ESR2: variants seen among roughly 807,000 people sequenced by gnomAD.
ESR2 encodes the protein estrogen receptor beta.
Under a neutral mutation model 49.6 loss-of-function variants are expected in ESR2, and 36 were observed. The observed-to-expected ratio is 0.73, with a 90% CI of 0.56 to 0.96. ESR2 has a LOEUF of 0.96. Ranked by LOEUF, ESR2 falls within the 40% of genes least tolerant of loss-of-function variation. The probability of loss-of-function intolerance (pLI) is 0.00; values close to 1 mark genes in which losing one functional copy is unlikely to be tolerated. For synonymous variants in ESR2, 320 were observed against 266.1 expected, an observed-to-expected ratio of 1.20 and a Z score of -1.97; for missense variants, 714 against 693.0, an observed-to-expected ratio of 1.03 and a Z score of -0.34.
intron 2 of ESR2, among the ~76,000 whole-genome samples, chr14:64,281,043 A>G (rs959595133): frequency 1.3e-5 from 2 of 152,176 alleles, no homozygotes; most frequent in African/African-American, 2.4e-5. Flanking sequence ...TAAGAGGAAT[A>G]ACAAATGGAC....
At chr14:64,326,896 C>T (rs867024997) in intron 1 of ESR2, among the ~76,000 whole-genome samples, 123 of 152,322 alleles carry the variant, frequency 8.1e-4, no homozygotes, top group African/African-American at 2.9e-3. Context: ...CAGTCAACCA[C>T]GGTATAAAGG....
intron 8 of ESR2, 124 bp from the exon 9 acceptor site, chr14:64,233,447 C>A: frequency 1.1e-6 from 1 of 884,644 alleles, no homozygotes; most frequent in Non-Finnish European, 1.7e-6. Context: ...CTTCCCCCAG[C>A]CCATTTATCC....
intron 1 of ESR2, among the ~76,000 whole-genome samples, chr14:64,327,498 T>C (rs55767709): frequency 0.23 from 23,785 of 103,216 alleles, 2,518 homozygotes; most frequent in African/African-American, 0.38. Flanking sequence ...GAGTTCGAGA[T>C]CAGCCTGGCC....
chr14:64,248,881 G>A (rs1040975525), intron 7 of ESR2, among the ~76,000 whole-genome samples: 1 of 151,694 alleles, frequency 6.6e-6, no homozygotes, highest in Admixed American at 6.6e-5. Context: ...TCGCATATCT[G>A]TGCATGACAC....
intron 7 of ESR2, among the ~76,000 whole-genome samples, chr14:64,235,628 G>A (rs1271119406): frequency 6.6e-6 from 1 of 152,222 alleles, no homozygotes; most frequent in African/African-American, 2.4e-5. Context: ...GCCGCAGCCA[G>A]CCATGGCAGG....
chr14:64,338,070 C>G (rs1342126416), exon 1 of ESR2: 1 of 154,928 alleles, frequency 6.5e-6, no homozygotes, highest in Non-Finnish European at 1.5e-5. Context: ...AGTGTGGACG[C>G]CTACGAGGAG....
intron 3 of ESR2, among the ~76,000 whole-genome samples, chr14:64,273,941 T>TTC (rs1491186263): frequency 5.1e-5 from 1 of 19,760 alleles, no homozygotes; most frequent in East Asian, 2.1e-3. Context: ...GCTGAGAGAC[T>TTC]TTTTTTTTTT....
At position 64,305,107 on chromosome 14, in the gene ESR2, G is replaced by A. The variant is rs182039042; in HGVS notation, c.-90-22032C>T. On this transcript the variant is annotated intron_variant, in intron 1 of 8. Transcript: ENST00000358599. ...AGATCGAGACCAACCTGGCTAACAC[G>A]GTGAAACCCCGTCTCTACTAAAAAT... Among the ~76,000 whole-genome samples, 1,152 of 144,370 alleles carry A rather than the reference G, an allele frequency of 8.0e-3. 5 individuals are homozygous for A. The highest frequency in any genetic ancestry group is 0.018 in the South Asian group (81 of 4,424). 94.7% of individuals were successfully genotyped at this position (144,370 alleles called of 152,430 possible).
In ESR2 at chr14:64,315,533, G is replaced by A. The variant is rs141286373; in HGVS notation, c.-91+22365C>T. Among the ~76,000 whole-genome samples the A allele has an allele frequency of 6.5e-4, 99 of 151,398 alleles. 3 individuals are homozygous for A. The East Asian group carries it at 0.014, about 22-fold the overall frequency. On this transcript the variant is annotated intron_variant, in intron 1 of 8. Coordinates refer to the ESR2 transcript ENST00000358599. ...TCTGTTGCCCAGGCTGGAGTGCAGT[G>A]GCGCCATCTTGACTCACTGCAACCT...
chr14:64,268,594 CA>C (rs1288070717), intron 4 of ESR2, among the ~76,000 whole-genome samples, 200 bp downstream of exon 4: 2 of 152,190 alleles, frequency 1.3e-5, no homozygotes, highest in African/African-American at 2.4e-5. Context: ...ATCTGCCTCC[CA>C]TAATCTGTTC....
chr14:64,288,293 G>C (rs2076813585), intron 1 of ESR2, among the ~76,000 whole-genome samples: 1 of 150,618 alleles, frequency 6.6e-6, no homozygotes, highest in Non-Finnish European at 1.5e-5. Flanking sequence ...ATGATTCATG[G>C]ACAAGAAAAA....
rs1216448350 is a variant in ESR2, at chr14:64,230,680, G to A, written c.*2457C>T. On this transcript the variant is annotated 3_prime_UTR_variant, in exon 9 of 9. Coordinates refer to ENST00000341099, the MANE Select transcript of ESR2 (RefSeq NM_001437.3). ...CAGTCCTGGTGGGCAGTCACTATGA[G>A]ACAGGCCTGACAGAGGGGTGCTGTG... is the stretch of plus-strand genomic sequence containing the variant. Among the ~76,000 whole-genome samples the A allele has an allele frequency of 6.6e-6, 1 of 151,760 alleles. No individual in the cohort carries two copies. Among genetic ancestry groups the A allele is most frequent in the Non-Finnish European group, 1.5e-5 (1 of 67,982 alleles).
chr14:64,232,403 C>G lies in ESR2; in HGVS notation c.*734G>C, dbSNP rs1366011007. ...TAAGGAAGAGCAGCTCCAGAAGCAGCGAGATTTGTATCTCCCACAGTCCTG... is the reference window on the plus strand; with the variant it reads ...TAAGGAAGAGCAGCTCCAGAAGCAGGGAGATTTGTATCTCCCACAGTCCTG... On this transcript the variant is annotated 3_prime_UTR_variant, in exon 9 of 9. Coordinates refer to ENST00000341099, the MANE Select transcript of ESR2 (RefSeq NM_001437.3). The G allele has an allele frequency of 6.6e-6, 1 of 152,292 alleles. No homozygotes were observed. The highest frequency in any genetic ancestry group is 1.5e-5 in the Non-Finnish European group (1 of 68,062). The allele number at this position is 152,292 out of a possible 1,614,324, so 9.4% of individuals were successfully genotyped here. A position where few individuals can be genotyped will look rare whatever the true frequency, so the allele number is the denominator to read the frequency against.
intron 1 of ESR2, among the ~76,000 whole-genome samples, chr14:64,299,699 TGTGCACAGAGC>T (rs1183161344): frequency 6.6e-6 from 1 of 152,236 alleles, no homozygotes; most frequent in Admixed American, 6.5e-5. Context: ...CTTGATTTTT[TGTGCACAGAGC>T]GTGCTTCTTT....
At chr14:64,243,078 C>T (rs1209088867) in intron 7 of ESR2, among the ~76,000 whole-genome samples, 1 of 152,218 alleles carries the variant, frequency 6.6e-6, no homozygotes, top group East Asian at 1.9e-4. Context: ...CCTCCCACAA[C>T]ATGTGGGAAT....
At chr14:64,252,699 G>A (rs1258881664) in intron 6 of ESR2, among the ~76,000 whole-genome samples, 1 of 152,152 alleles carries the variant, frequency 6.6e-6, no homozygotes, top group Non-Finnish European at 1.5e-5. Flanking sequence ...ATAAGCTCCT[G>A]TGAGAACTCA....
chr14:64,234,975 A>G lies in ESR2; in HGVS notation c.1401T>C (p.His467=), dbSNP rs776801399. The G allele has an allele frequency of 6.2e-6, 10 of 1,614,074 alleles. No individual in the cohort carries two copies. Among genetic ancestry groups the G allele is most frequent in the East Asian group, 2.2e-5 (1 of 44,884 alleles). The change falls in exon 8 of 9, where the codon CAT becomes CAC. Residue 467 remains histidine, a synonymous_variant. Coordinates refer to ENST00000341099, the MANE Select transcript of ESR2 (RefSeq NM_001437.3). ...CAGCTCCTTAGGGCGCGTACCTCGCATGCCTGACGTGGGACAGGAGCATCA... is the reference window on the plus strand; with the variant it reads ...CAGCTCCTTAGGGCGCGTACCTCGCGTGCCTGACGTGGGACAGGAGCATCA... The part of the protein sequence containing the change: ...NLLMLLSHVR[H]ASNKGMEHLL...
rs1035153794 is a variant in ESR2, at chr14:64,260,588, G to A, written c.813C>T (p.Thr271=). The change falls in exon 5 of 9, where the codon ACC becomes ACT. Residue 271 remains threonine (T), a synonymous_variant. Coordinates refer to ENST00000341099, the MANE Select transcript of ESR2 (RefSeq NM_001437.3). ...CATGGGGCGGCTCAGCCTCCAGGAG[G>A]GTGAGCACTAGCTGCTCGGGGCTCA... The part of the protein sequence containing the change: ...DALSPEQLVL[T]LLEAEPPHVL... 1 of 1,609,328 alleles carries A rather than the reference G, an allele frequency of 6.2e-7. No homozygotes were observed. Among genetic ancestry groups the A allele is most frequent in the East Asian group, 2.2e-5 (1 of 44,702 alleles).
intron 7 of ESR2, 30 bp downstream of exon 7, chr14:64,249,515 TA>T: frequency 6.2e-7 from 1 of 1,606,868 alleles, no homozygotes; most frequent in Non-Finnish European, 8.5e-7. Flanking sequence ...CTCTCCCCGA[TA>T]AAACATGGCC....
Sources: gnomAD v4.1 joint callset for allele counts (sites outside exome capture counted in the v4.1 genomes callset) on GRCh38, gnomAD v4.1.1 for gene constraint, MANE v1.5 for transcripts, NCBI Gene and HGNC (gene_info 2026-07-23, HGNC 2026-07-21) for gene names.